The following ADK variants were observed in gnomAD, a reference collection of about 807,000 sequenced individuals.
The protein encoded by ADK is adenosine kinase.
A neutral mutation model predicts 44.7 loss-of-function variants in ADK; 24 were observed. The ratio of observed to expected loss-of-function variants is 0.54; its 90% CI spans 0.39 to 0.76. ADK has a LOEUF of 0.76. ADK is among the 30% of genes least tolerant of loss of function. The pLI is 0.00. For synonymous variants in ADK, 128 were observed against 142.6 expected (o/e 0.90, Z 0.73); for missense variants, 321 against 425.1 (o/e 0.76, Z 2.15).
intron 9 of ADK, among the ~76,000 whole-genome samples, chr10:74,653,579 A>G (rs1459821963): frequency 6.6e-6 from 1 of 152,210 alleles, no homozygotes; most frequent in African/African-American, 2.4e-5. Flanking sequence ...CTTTAAAATC[A>G]GTGTACTTGA....
chr10:74,290,078 GCACACACA>G (rs1554838780), intron 3 of ADK, among the ~76,000 whole-genome samples: 1 of 149,014 alleles, frequency 6.7e-6, no homozygotes, highest in Non-Finnish European at 1.5e-5. Flanking sequence ...CTACTCACGC[GCACACACA>G]CACACACACA....
At chr10:74,348,767 C>T (rs1841861437) in intron 4 of ADK, among the ~76,000 whole-genome samples, 1 of 151,112 alleles carries the variant, frequency 6.6e-6, no homozygotes, top group Non-Finnish European at 1.5e-5. Flanking sequence ...ATGAAGCATA[C>T]ACAAGTATCA....
chr10:74,606,744 A>G (rs1469349968), intron 9 of ADK, among the ~76,000 whole-genome samples: 8 of 152,164 alleles, frequency 5.3e-5, no homozygotes, highest in Non-Finnish European at 1.0e-4. Flanking sequence ...GTAGATGTCT[A>G]TTAGGTCTGC....
At chr10:74,472,013 T>C (rs1846608703) in intron 6 of ADK, among the ~76,000 whole-genome samples, 1 of 152,186 alleles carries the variant, frequency 6.6e-6, no homozygotes, top group African/African-American at 2.4e-5. Context: ...TTCCTTTCTT[T>C]CTTTCTTTAG....
intron 1 of ADK, among the ~76,000 whole-genome samples, chr10:74,187,598 A>C (rs1842804630): frequency 1.3e-5 from 2 of 152,158 alleles, no homozygotes; most frequent in African/African-American, 4.8e-5. Context: ...TGAGAGCAGA[A>C]CTTTTAAGTT....
chr10:74,305,597 T>G (rs1840218682), intron 3 of ADK, among the ~76,000 whole-genome samples: 1 of 152,236 alleles, frequency 6.6e-6, no homozygotes, highest in African/African-American at 2.4e-5. Context: ...CTCTCTGTGT[T>G]CTTCTCTTGT....
intron 3 of ADK, among the ~76,000 whole-genome samples, chr10:74,262,821 C>A (rs1217635603): frequency 6.6e-6 from 1 of 152,106 alleles, no homozygotes; most frequent in African/African-American, 2.4e-5. Flanking sequence ...CTCAAGAAAA[C>A]TTTTGGAGAC....
chr10:74,469,038 A>T (rs1182964996), intron 6 of ADK, among the ~76,000 whole-genome samples: 3 of 152,138 alleles, frequency 2.0e-5, no homozygotes, highest in Non-Finnish European at 4.4e-5. Context: ...AATACATATC[A>T]TAAAATTTCC....
At chr10:74,517,877 A>G (rs1342171981) in intron 6 of ADK, among the ~76,000 whole-genome samples, 1 of 152,110 alleles carries the variant, frequency 6.6e-6, no homozygotes, top group African/African-American at 2.4e-5. Flanking sequence ...TTCTTTTAGT[A>G]ATTCTGTTGC....
intron 10 of ADK, among the ~76,000 whole-genome samples, chr10:74,674,751 G>A (rs1413609101): frequency 1.3e-5 from 2 of 152,116 alleles, no homozygotes; most frequent in African/African-American, 2.4e-5. Flanking sequence ...GCATGGCGTT[G>A]CATGCCTGAA....
intron 4 of ADK, among the ~76,000 whole-genome samples, chr10:74,385,853 GT>G (rs1336198826): frequency 1.3e-5 from 2 of 152,158 alleles, no homozygotes; most frequent in Non-Finnish European, 2.9e-5. Context: ...CCCCGAATCT[GT>G]TCTGAGAATG....
At chr10:74,260,585 G>A (rs1298339636) in intron 3 of ADK, among the ~76,000 whole-genome samples, 1 of 152,144 alleles carries the variant, frequency 6.6e-6, no homozygotes, top group Admixed American at 6.5e-5. Context: ...TTGCTCTTCT[G>A]TGTTCTGTGA....
intron 4 of ADK, among the ~76,000 whole-genome samples, chr10:74,376,777 C>CTTTTTTTTTT (rs35675013): frequency 7.4e-6 from 1 of 135,378 alleles, no homozygotes. Flanking sequence ...TCTCTCTCGT[C>CTTTTTTTTTT]TTTTTTTTTT....
At chr10:74,608,663 G>A (rs1236644441) in intron 9 of ADK, among the ~76,000 whole-genome samples, 2 of 152,132 alleles carry the variant, frequency 1.3e-5, no homozygotes, top group African/African-American at 4.8e-5. Flanking sequence ...TGAGGGGTCT[G>A]TCGACCCTTG....
chr10:74,293,699 T>G (rs1839709190), intron 3 of ADK, among the ~76,000 whole-genome samples: 1 of 152,244 alleles, frequency 6.6e-6, no homozygotes, highest in South Asian at 2.1e-4. Context: ...TGTACCATAT[T>G]AGTAGGTTTT....
chr10:74,620,858 G>A (rs1353868195), intron 9 of ADK, among the ~76,000 whole-genome samples: 8 of 151,882 alleles, frequency 5.3e-5, no homozygotes, highest in Non-Finnish European at 1.0e-4. Context: ...GCCTGTTCAG[G>A]TCATTTGCCC....
chr10:74,540,511 G>C (rs1214484680), intron 7 of ADK, among the ~76,000 whole-genome samples: 1 of 151,716 alleles, frequency 6.6e-6, no homozygotes, highest in Non-Finnish European at 1.5e-5. Context: ...CCAGGCTGGA[G>C]TACAGTGATG....
intron 9 of ADK, among the ~76,000 whole-genome samples, chr10:74,617,039 C>G (rs568181312): frequency 6.6e-6 from 1 of 152,106 alleles, no homozygotes; most frequent in South Asian, 2.1e-4. Flanking sequence ...AAATAATGAT[C>G]TTTTTCACAT....
At chr10:74,251,196 TG>T in intron 3 of ADK, among the ~76,000 whole-genome samples, 1 of 152,216 alleles carries the variant, frequency 6.6e-6, no homozygotes, top group Non-Finnish European at 1.5e-5. Context: ...GCAATGAATT[TG>T]GTTTTGTAAT....
Sources: gnomAD v4.1 joint callset for allele counts (sites outside exome capture counted in the v4.1 genomes callset) on GRCh38, gnomAD v4.1.1 for gene constraint, MANE v1.5 for transcripts, NCBI Gene and HGNC (gene_info 2026-07-23, HGNC 2026-07-21) for gene names.